Variants in STOX2 observed in about 807,000 individuals in gnomAD.
STOX2 encodes the protein storkhead-box protein 2.
A neutral mutation model predicts 60.9 loss-of-function variants in STOX2; 28 were observed. The ratio of observed to expected loss-of-function variants is 0.46; its 90% CI spans 0.34 to 0.63. The LOEUF (loss-of-function observed/expected upper bound fraction) is 0.63. Ranked by LOEUF, STOX2 falls within the 30% of genes least tolerant of loss-of-function variation. The pLI is 0.01. For synonymous variants in STOX2, 472 were observed against 463.9 expected (o/e 1.02, Z -0.22); for missense variants, 1,024 against 1,187.7 (o/e 0.86, Z 2.03).
chr4:183,963,417 A>T (rs1293730430), intron 1 of STOX2, among the ~76,000 whole-genome samples: 1 of 151,536 alleles, frequency 6.6e-6, no homozygotes, highest in Non-Finnish European at 1.5e-5. Context: ...AAAATGTTAT[A>T]TTTTTTTTCT....
intron 1 of STOX2, among the ~76,000 whole-genome samples, chr4:183,831,207 A>C (rs1739559950): frequency 6.6e-6 from 1 of 152,162 alleles, no homozygotes; most frequent in Admixed American, 6.5e-5. Flanking sequence ...AGACGATTTG[A>C]AAGGCAGGAT....
intron 1 of STOX2, among the ~76,000 whole-genome samples, chr4:183,894,233 G>A (rs531709526): frequency 3.6e-4 from 55 of 152,162 alleles, no homozygotes; most frequent in Middle Eastern, 3.2e-3. Flanking sequence ...AAGCTACTGC[G>A]AACTACAGTT....
At chr4:183,894,538 T>G (rs1465300263) in intron 1 of STOX2, among the ~76,000 whole-genome samples, 3 of 151,926 alleles carry the variant, frequency 2.0e-5, no homozygotes, top group Non-Finnish European at 4.4e-5. Flanking sequence ...GTCTGGGATT[T>G]AAATATATGG....
rs189499364 is a variant in STOX2 at position 183,800,011 on chromosome 4, G to A, written c.364+1956G>A. On this transcript the variant is annotated intron_variant, in intron 1 of 2. Transcript: ENST00000513034. ...TAAAGCCCAAGCATCAGATAAAAGA[G>A]CAGGGGTGATACCTGCTGGGATCCA... Among the ~76,000 whole-genome samples, 245 of 152,280 alleles carry A rather than the reference G, an allele frequency of 1.6e-3. 1 individual carries two copies. Among genetic ancestry groups the A allele is most frequent in the African/African-American group, 5.5e-3 (227 of 41,552 alleles).
At chr4:183,941,662 A>G (rs1480999306) in intron 1 of STOX2, among the ~76,000 whole-genome samples, 1 of 152,198 alleles carries the variant, frequency 6.6e-6, no homozygotes, top group Non-Finnish European at 1.5e-5. Context: ...GACAACATGG[A>G]TACCATGTTA....
intron 1 of STOX2, among the ~76,000 whole-genome samples, chr4:183,839,539 A>G (rs1360275164): frequency 6.6e-6 from 1 of 152,244 alleles, no homozygotes. Flanking sequence ...AACCAGCATT[A>G]GTACTACAGG....
chr4:184,003,974 A>G (rs1301499145), intron 2 of STOX2, among the ~76,000 whole-genome samples: 1 of 146,550 alleles, frequency 6.8e-6, no homozygotes, highest in Admixed American at 6.8e-5. Flanking sequence ...GTCTTTTACT[A>G]TCAGTTAAGC....
At chr4:183,882,804 A>C (rs1418143136) in intron 1 of STOX2, among the ~76,000 whole-genome samples, 1 of 152,228 alleles carries the variant, frequency 6.6e-6, no homozygotes, top group Non-Finnish European at 1.5e-5. Context: ...AGACAGGCTT[A>C]AGGTCACAAA....
chr4:183,930,416 G>C (rs918122257), intron 1 of STOX2, among the ~76,000 whole-genome samples: 1 of 151,764 alleles, frequency 6.6e-6, no homozygotes, highest in Admixed American at 6.6e-5. Flanking sequence ...GCAGTGGCAC[G>C]ATCATGCCTC....
intron 1 of STOX2, among the ~76,000 whole-genome samples, chr4:183,841,616 T>C (rs899464647): frequency 4.6e-5 from 7 of 152,198 alleles, no homozygotes; most frequent in African/African-American, 1.7e-4. Flanking sequence ...ATTTGTAAGT[T>C]GCCTTGCTCA....
intron 1 of STOX2, among the ~76,000 whole-genome samples, chr4:183,997,385 G>T (rs1214585027): frequency 1.3e-5 from 2 of 152,202 alleles, no homozygotes; most frequent in South Asian, 4.1e-4. Context: ...AGGTGGGAGT[G>T]GTCCTAGCAT....
chr4:183,959,556 A>G (rs1026355073), intron 1 of STOX2, among the ~76,000 whole-genome samples: 22 of 151,944 alleles, frequency 1.4e-4, no homozygotes, highest in Admixed American at 6.6e-4. Flanking sequence ...TTTACCAGGA[A>G]CCTCCTTTAA....
intron 1 of STOX2, among the ~76,000 whole-genome samples, chr4:183,983,234 C>T (rs1259744862): frequency 6.6e-6 from 1 of 152,214 alleles, no homozygotes; most frequent in Non-Finnish European, 1.5e-5. Flanking sequence ...CCTGAAGCAC[C>T]TCTCAGTTCC....
chr4:184,016,946 A>T (rs1417776556), intron 3 of STOX2, 143 bp from the exon 4 acceptor site: 2 of 633,988 alleles, frequency 3.2e-6, no homozygotes, highest in Non-Finnish European at 2.6e-6. Context: ...AGATGTGAAT[A>T]ATCAGTCGAG....
chr4:183,903,240 A>G (rs572793175), upstream of STOX2, among the ~76,000 whole-genome samples: 9 of 151,568 alleles, frequency 5.9e-5, no homozygotes, highest in South Asian at 1.5e-3. Context: ...CTCATCACAA[A>G]CCTCCCTCTT....
intron 1 of STOX2, among the ~76,000 whole-genome samples, chr4:183,899,449 T>C (rs1741416250): frequency 6.6e-6 from 1 of 152,162 alleles, no homozygotes. Context: ...TGAAGGAAAT[T>C]AGAAGTGCTA....
At chr4:183,838,545 G>A (rs73870916) in intron 1 of STOX2, among the ~76,000 whole-genome samples, 8,705 of 152,188 alleles carry the variant, frequency 0.057, 538 homozygotes, top group African/African-American at 0.16. Context: ...TAAAAATGAA[G>A]CTACTACATC....
In STOX2 at chr4:183,949,205, G is replaced by A. The variant is rs142669299; in HGVS notation, c.166+42249G>A. On this transcript the variant is annotated intron_variant, in intron 1 of 3. Transcript: ENST00000308497. ...AAATGAAGAGGAAGAAACAATAAGA[G>A]AGGAGATCTCAGAAATGATCTCAAG... Among the ~76,000 whole-genome samples, 364 of 152,222 alleles carry A rather than the reference G, an allele frequency of 2.4e-3. 3 individuals are homozygous for A. Among genetic ancestry groups the A allele is most frequent in the African/African-American group, 8.3e-3 (346 of 41,540 alleles).
chr4:183,798,683 A>C, intron 1 of STOX2: 1 of 985,406 alleles, frequency 1.0e-6, no homozygotes, highest in Non-Finnish European at 1.2e-6. Context: ...GGGAAGGAAG[A>C]GACACAAAGA....
Sources: gnomAD v4.1 joint callset for allele counts (sites outside exome capture counted in the v4.1 genomes callset) on GRCh38, gnomAD v4.1.1 for gene constraint, MANE v1.5 for transcripts, NCBI Gene and HGNC (gene_info 2026-07-23, HGNC 2026-07-21) for gene names.